Variants in AK4 observed in about 807,000 individuals in gnomAD.
The protein encoded by AK4 is adenylate kinase 4, mitochondrial.
AK4 carries 13 observed loss-of-function variants against 24.6 expected under a neutral mutation model. The observed-to-expected ratio is 0.53, with a 90% CI of 0.34 to 0.84. The LOEUF (loss-of-function observed/expected upper bound fraction) is 0.84, where lower values mean the gene tolerates loss of function less well. Ranked by LOEUF, AK4 falls within the 40% of genes least tolerant of loss-of-function variation. The pLI, the probability that AK4 is intolerant of heterozygous loss-of-function variation, is 0.01. For missense variants in AK4, 192 were observed against 288.2 expected (o/e 0.67, Z 2.42); for synonymous variants, 88 against 107.0 (o/e 0.82, Z 1.10).
intron 1 of AK4, among the ~76,000 whole-genome samples, chr1:65,185,999 T>C (rs974114331): frequency 6.6e-5 from 10 of 152,158 alleles, no homozygotes; most frequent in Admixed American, 5.9e-4. Flanking sequence ...GGTTGGGCCA[T>C]ATTTGATTTT....
At chr1:65,198,383 C>G (rs1205734409) in intron 2 of AK4, among the ~76,000 whole-genome samples, 9 of 152,160 alleles carry the variant, frequency 5.9e-5, no homozygotes, top group Non-Finnish European at 4.4e-5. Flanking sequence ...CATTGTAGCT[C>G]TGTTCATTCA....
intron 2 of AK4, among the ~76,000 whole-genome samples, chr1:65,199,106 A>G (rs1488541792): frequency 6.7e-6 from 1 of 149,498 alleles, no homozygotes; most frequent in Non-Finnish European, 1.5e-5. Context: ...AAAAAAAAAG[A>G]ATTTGGGCAG....
At position 65,215,144 on chromosome 1, in the gene AK4, T is replaced by TTTTTCTTTTCTTTTCTTTTCTTTTC. The variant is rs61257497; in HGVS notation, c.266-3587_266-3586insTCTTTTCTTTTCTTTTCTTTTCTTT. ...TCTGAGCATCCATCATCATTGATTT[T>TTTTTCTTTTCTTTTCTTTTCTTTTC]TTTTCTTTTCTTTTCTTTTCTTTCT... is the stretch of plus-strand genomic sequence containing the variant. On this transcript the variant is annotated intron_variant, in intron 2 of 4. Coordinates refer to ENST00000327299, the MANE Select transcript of AK4 (RefSeq NM_013410.4). Among the ~76,000 whole-genome samples the TTTTTCTTTTCTTTTCTTTTCTTTTC allele has an allele frequency of 1.5e-3, 220 of 150,050 alleles. 1 individual carries two copies. Among genetic ancestry groups the TTTTTCTTTTCTTTTCTTTTCTTTTC allele is most frequent in the African/African-American group, 5.4e-3 (217 of 39,874 alleles).
intron 1 of AK4, among the ~76,000 whole-genome samples, chr1:65,152,769 A>G (rs1378083444): frequency 6.6e-6 from 1 of 152,064 alleles, no homozygotes; most frequent in East Asian, 1.9e-4. Flanking sequence ...AAGTTAGTCT[A>G]TGGGCCCAGC....
intron 1 of AK4, among the ~76,000 whole-genome samples, chr1:65,158,757 T>C (rs1054339616): frequency 6.6e-6 from 1 of 152,154 alleles, no homozygotes; most frequent in African/African-American, 2.4e-5. Flanking sequence ...TCCACCTGCC[T>C]AGGCCTCCCA....
At chr1:65,207,532 A>C (rs1049431282) in intron 2 of AK4, among the ~76,000 whole-genome samples, 1 of 149,720 alleles carries the variant, frequency 6.7e-6, no homozygotes, top group Admixed American at 6.6e-5. Context: ...TCAGTTGCTG[A>C]CATCTGGAGC....
intron 3 of AK4, among the ~76,000 whole-genome samples, chr1:65,221,070 C>T (rs764053693): frequency 1.1e-4 from 16 of 152,050 alleles, no homozygotes; most frequent in Non-Finnish European, 1.9e-4. Context: ...TAAAATTAGA[C>T]ATGTGTAAAG....
At chr1:65,154,455 A>T (rs1649904499) in intron 1 of AK4, 2 of 499,830 alleles carry the variant, frequency 4.0e-6, no homozygotes, top group Admixed American at 4.1e-5. Flanking sequence ...CCTTCCTTTT[A>T]TCTTGTTGCA....
At chr1:65,183,415 TA>T (rs751641658) in intron 1 of AK4, among the ~76,000 whole-genome samples, 4 of 152,122 alleles carry the variant, frequency 2.6e-5, no homozygotes, top group Non-Finnish European at 5.9e-5. Flanking sequence ...CACGCCCAGC[TA>T]ATTTTTTGTA....
At chr1:65,149,973 C>T (rs1649710767) in intron 1 of AK4, among the ~76,000 whole-genome samples, 1 of 152,232 alleles carries the variant, frequency 6.6e-6, no homozygotes, top group African/African-American at 2.4e-5. Context: ...GGTTGGGCTT[C>T]TTCATGGTAG....
At chr1:65,152,180 G>A (rs1649791932) in intron 1 of AK4, among the ~76,000 whole-genome samples, 2 of 151,548 alleles carry the variant, frequency 1.3e-5, no homozygotes, top group Non-Finnish European at 2.9e-5. Flanking sequence ...TGGAGAAATA[G>A]TGGTATTTTT....
chr1:65,206,470 C>T (rs1012220373), intron 2 of AK4, among the ~76,000 whole-genome samples: 4 of 152,198 alleles, frequency 2.6e-5, no homozygotes, highest in East Asian at 3.8e-4. Context: ...GCAAGCAGGC[C>T]GGACGCGGTG....
intron 2 of AK4, among the ~76,000 whole-genome samples, chr1:65,208,734 C>T (rs1006660963): frequency 6.6e-6 from 1 of 152,166 alleles, no homozygotes; most frequent in Non-Finnish European, 1.5e-5. Flanking sequence ...TGCCTGGGAA[C>T]GTGGTGGTGG....
At chr1:65,222,408 G>C (rs1293017250) in intron 3 of AK4, among the ~76,000 whole-genome samples, 1 of 152,162 alleles carries the variant, frequency 6.6e-6, no homozygotes, top group Non-Finnish European at 1.5e-5. Flanking sequence ...TTTCATTAAA[G>C]AGAAAAGCCT....
chr1:65,212,818 T>C (rs1362300303), intron 2 of AK4, among the ~76,000 whole-genome samples: 1 of 152,238 alleles, frequency 6.6e-6, no homozygotes, highest in Non-Finnish European at 1.5e-5. Flanking sequence ...CATTGTGCTG[T>C]TGGCTTTCAC....
chr1:65,221,714 A>G (rs1292286344), intron 3 of AK4, among the ~76,000 whole-genome samples: 1 of 152,244 alleles, frequency 6.6e-6, no homozygotes, highest in Non-Finnish European at 1.5e-5. Flanking sequence ...TATATTTTGC[A>G]TTTGTCCAGA....
intron 2 of AK4, among the ~76,000 whole-genome samples, chr1:65,205,692 C>A (rs78205376): frequency 2.3e-3 from 345 of 152,244 alleles, no homozygotes; most frequent in African/African-American, 8.1e-3. Flanking sequence ...TCAGTTCTTT[C>A]CTTTCAGGGA....
intron 2 of AK4, among the ~76,000 whole-genome samples, chr1:65,210,235 A>G (rs933936070): frequency 4.6e-5 from 7 of 152,252 alleles, no homozygotes; most frequent in African/African-American, 2.4e-5. Context: ...CTTTGGAGGC[A>G]GCCTTAGCCT....
At chr1:65,198,508 A>G (rs1448737293) in intron 2 of AK4, among the ~76,000 whole-genome samples, 1 of 152,220 alleles carries the variant, frequency 6.6e-6, no homozygotes, top group Admixed American at 6.5e-5. Flanking sequence ...GAAAAGAAGG[A>G]TTAGAGGTAG....
Sources: gnomAD v4.1 joint callset for allele counts (sites outside exome capture counted in the v4.1 genomes callset) on GRCh38, gnomAD v4.1.1 for gene constraint, MANE v1.5 for transcripts, NCBI Gene and HGNC (gene_info 2026-07-23, HGNC 2026-07-21) for gene names.